The following MFGE8 variants were observed in gnomAD, a reference collection of about 807,000 sequenced individuals.
MFGE8 encodes the protein lactadherin.
In MFGE8, 34 loss-of-function variants were observed where a neutral mutation model predicts 42.6. The ratio of observed to expected loss-of-function variants is 0.80; its 90% CI spans 0.61 to 1.06. MFGE8 has a LOEUF of 1.06. Among genes scored for constraint, MFGE8 ranks in the 50% least tolerant of loss-of-function variants. MFGE8 has a pLI of 0.00. For synonymous variants in MFGE8, 230 were observed against 214.8 expected, an observed-to-expected ratio of 1.07 and a Z score of -0.62; for missense variants, 510 against 516.9, an observed-to-expected ratio of 0.99 and a Z score of 0.13.
chr15:88,908,747 A>G (rs1265294664), intron 2 of MFGE8, among the ~76,000 whole-genome samples: 1 of 152,082 alleles, frequency 6.6e-6, no homozygotes, highest in Non-Finnish European at 1.5e-5. Flanking sequence ...AACCATACAC[A>G]CACCCTTCCA....
At chr15:88,910,211 T>G in intron 1 of MFGE8, 1 of 386,704 alleles carries the variant, frequency 2.6e-6, no homozygotes, top group Non-Finnish European at 5.0e-6. Flanking sequence ...TGGGGACCAC[T>G]GCCCACTGGT....
In MFGE8 at chr15:88,906,601, T is replaced by A. The variant is rs201104304; in HGVS notation, c.540+25A>T. 218 of 1,613,550 alleles carry A rather than the reference T, an allele frequency of 1.4e-4. No individual in the cohort carries two copies. Among genetic ancestry groups the A allele is most frequent in the Non-Finnish European group, 1.8e-4 (212 of 1,179,756 alleles). On this transcript the variant is annotated intron_variant, in intron 4 of 7. Coordinates refer to ENST00000268150, the MANE Select transcript of MFGE8 (RefSeq NM_005928.4). The surrounding 1 kb of genome is among the most constrained non-coding windows in gnomAD (Gnocchi z 4.2). ...CTTAGGGGGTATGGACCACAGCCCTTCTTTCGGGCCCCAACAAGACCTACC... is the reference window on the plus strand; with the variant it reads ...CTTAGGGGGTATGGACCACAGCCCTACTTTCGGGCCCCAACAAGACCTACC...
chr15:88,904,899 G>C (rs747941287), intron 5 of MFGE8: 1 of 153,568 alleles, frequency 6.5e-6, no homozygotes, highest in African/African-American at 2.4e-5. Context: ...GCTCTGCTTA[G>C]CGAGCCCTAC....
In MFGE8 at chr15:88,906,701, C is replaced by G. The variant is rs1333812271; in HGVS notation, c.465G>C (p.Leu155=). The G allele has an allele frequency of 1.9e-6, 3 of 1,613,842 alleles. No individual in the cohort carries two copies. The highest frequency in any genetic ancestry group is 2.5e-6 in the Non-Finnish European group (3 of 1,179,936). Residue 155 remains leucine, a synonymous_variant, in exon 4 of 8, where the codon CTG becomes CTC. Transcript: ENST00000268150. This position sits in a 1 kb window ranked among gnomAD's most constrained non-coding sequence, Gnocchi z 4.2. ...GGCTGTAGGCCACCTTGAAGGCCTTCAGGTACTCATGACTGGCCAAGCGGC... is the reference window on the plus strand; with the variant it reads ...GGCTGTAGGCCACCTTGAAGGCCTTGAGGTACTCATGACTGGCCAAGCGGC... ...GASRLASHEY[L]KAFKVAYSLN... is the part of the protein sequence containing the mutation.
Position 88,906,067 on chromosome 15 carries a change from C to G in MFGE8, c.541-166G>C. On this transcript the variant is annotated intron_variant, in intron 4 of 7. Coordinates refer to ENST00000268150, the MANE Select transcript of MFGE8 (RefSeq NM_005928.4). This position sits in a 1 kb window ranked among gnomAD's most constrained non-coding sequence, Gnocchi z 4.2. The stretch of plus-strand genomic sequence containing the variant: ...GCTCACACAGCAGCCTCTCCTTTGG[C>G]CACCCCACGGCCCTCCACAAAGATT... 1 of 747,708 alleles carries G rather than the reference C, an allele frequency of 1.3e-6. No homozygotes were observed. The highest frequency in any genetic ancestry group is 1.6e-5 in the South Asian group (1 of 61,326). The allele number at this position is 747,708 out of a possible 1,614,324, so 46.3% of individuals were successfully genotyped here.
chr15:88,910,110 T>C (rs1596203418), intron 1 of MFGE8, 187 bp from the exon 2 acceptor site: 3 of 690,650 alleles, frequency 4.3e-6, no homozygotes. Flanking sequence ...AGTCCATGTG[T>C]AGGCGAATCG....
At chr15:88,912,140 T>A in intron 1 of MFGE8, 5 of 1,289,826 alleles carry the variant, frequency 3.9e-6, no homozygotes, top group Non-Finnish European at 5.1e-6. Context: ...GTAAGATAGG[T>A]ATGGTGTTTC....
intron 1 of MFGE8, 23 bp from the exon 2 acceptor site, chr15:88,909,946 T>G: frequency 6.2e-7 from 1 of 1,613,636 alleles, no homozygotes; most frequent in Non-Finnish European, 8.5e-7. Context: ...ACAGGTAAGA[T>G]GAGCAGATGA....
chr15:88,912,242 C>T, intron 1 of MFGE8: 1 of 1,289,698 alleles, frequency 7.8e-7, no homozygotes, highest in African/African-American at 1.5e-5. Flanking sequence ...TAACATTTGG[C>T]CAGAGTTCAG....
At chr15:88,900,865 T>C (rs903808712) in intron 6 of MFGE8, 1 of 515,726 alleles carries the variant, frequency 1.9e-6, no homozygotes, top group African/African-American at 2.1e-5. Flanking sequence ...GCCTGGGTCA[T>C]GTCTCCCTCT....
At chr15:88,910,107 G>A in intron 1 of MFGE8, 184 bp from the exon 2 acceptor site, 1 of 719,360 alleles carries the variant, frequency 1.4e-6, no homozygotes, top group Non-Finnish European at 2.3e-6. Flanking sequence ...GGAAGTCCAT[G>A]TGTAGGCGAA....
intron 1 of MFGE8, chr15:88,912,787 G>C (rs1313057515): frequency 2.0e-6 from 2 of 985,250 alleles, no homozygotes; most frequent in African/African-American, 1.7e-5. Context: ...AATTGGGAGC[G>C]CAAAAATCCA....
intron 5 of MFGE8, chr15:88,901,987 C>T: frequency 3.9e-6 from 2 of 511,746 alleles, no homozygotes; most frequent in Non-Finnish European, 7.2e-6. Flanking sequence ...CACTCACCAC[C>T]CTTCTCCTCT....
Position 88,906,882 on chromosome 15 carries a change from C to A in MFGE8, c.388-104G>T. 7.0e-7 allele frequency: 1 copy of A among 1,428,646 alleles called. No homozygotes were observed. 88.5% of individuals were successfully genotyped at this position (1,428,646 alleles called of 1,614,324 possible). ...ACTCCCCCACTGGGTGGGGGAACAACTCAAGCAAAACAGAGGAGGGGTAGC... is the reference window on the plus strand; with the variant it reads ...ACTCCCCCACTGGGTGGGGGAACAAATCAAGCAAAACAGAGGAGGGGTAGC... On this transcript the variant is annotated intron_variant, in intron 3 of 7. Transcript: ENST00000268150. The surrounding 1 kb of genome is among the most constrained non-coding windows in gnomAD (Gnocchi z 4.2).
rs202196730 is a variant in MFGE8 at position 88,901,311 on chromosome 15, A to G, written c.870+240T>C. Among the ~76,000 whole-genome samples, 708 of 130,172 alleles carry G rather than the reference A, an allele frequency of 5.4e-3. 9 individuals carry two copies. Among genetic ancestry groups the G allele is most frequent in the South Asian group, 0.013 (56 of 4,164 alleles). The allele number at this position is 130,172 out of a possible 152,430, so 85.4% of individuals were successfully genotyped here. Reference sequence around the variant, plus strand: ...TTCACACACATTCACACACTCACACACACACATTCACACACACACACACAT... The same window carrying G: ...TTCACACACATTCACACACTCACACGCACACATTCACACACACACACACAT... On this transcript the variant is annotated intron_variant, in intron 6 of 7. Coordinates refer to ENST00000268150, the MANE Select transcript of MFGE8 (RefSeq NM_005928.4).
intron 5 of MFGE8, chr15:88,904,923 G>A (rs1251937156): frequency 6.5e-6 from 1 of 154,208 alleles, no homozygotes; most frequent in African/African-American, 2.4e-5. Flanking sequence ...TCCACTGATG[G>A]CCAGCAGGTG....
chr15:88,900,323 C>T (rs1187636797), intron 6 of MFGE8, among the ~76,000 whole-genome samples: 4 of 152,006 alleles, frequency 2.6e-5, no homozygotes, highest in Non-Finnish European at 5.9e-5. Flanking sequence ...TACCTCACTG[C>T]TATAAAGCTC....
chr15:88,912,467 A>T, intron 1 of MFGE8: 1 of 985,344 alleles, frequency 1.0e-6, no homozygotes, highest in Non-Finnish European at 1.2e-6. Flanking sequence ...AAAATGATGG[A>T]GGGGCCACCT....
intron 1 of MFGE8, chr15:88,912,389 G>T (rs1024703908): frequency 1.4e-5 from 14 of 984,978 alleles, no homozygotes; most frequent in Non-Finnish European, 8.4e-6. Context: ...GGGTCAGGCA[G>T]ATCACAGGAC....
Sources: gnomAD v4.1 joint callset for allele counts (sites outside exome capture counted in the v4.1 genomes callset) on GRCh38, gnomAD v4.1.1 for gene constraint, Gnocchi (gnomAD v3.1) non-coding constraint, MANE v1.5 for transcripts, NCBI Gene and HGNC (gene_info 2026-07-23, HGNC 2026-07-21) for gene names.